The following FER variants were observed in gnomAD, a reference collection of about 807,000 sequenced individuals.
The protein encoded by FER is tyrosine-protein kinase Fer.
A neutral mutation model predicts 111.0 loss-of-function variants in FER; 63 were observed. That is an observed-to-expected ratio of 0.57 (90% CI 0.46 to 0.70). FER has a LOEUF of 0.70. FER is among the 30% of genes least tolerant of loss of function. The probability of loss-of-function intolerance (pLI) is 0.00; values close to 1 mark genes in which losing one functional copy is unlikely to be tolerated. For synonymous variants in FER, 327 were observed against 313.9 expected (o/e 1.04, Z -0.44); for missense variants, 914 against 954.0 (o/e 0.96, Z 0.55).
At chr5:108,771,602 C>G (rs986909419) in intron 2 of FER, among the ~76,000 whole-genome samples, 1 of 152,132 alleles carries the variant, frequency 6.6e-6, no homozygotes, top group African/African-American at 2.4e-5. Context: ...GTATTTCTCT[C>G]TTTTCAACAT....
chr5:108,961,498 C>A (rs1436133008), intron 13 of FER, among the ~76,000 whole-genome samples: 1 of 152,118 alleles, frequency 6.6e-6, no homozygotes, highest in Non-Finnish European at 1.5e-5. Flanking sequence ...GATTATCTCA[C>A]CATCTGATAG....
chr5:109,042,853 A>T (rs759463703), intron 14 of FER, among the ~76,000 whole-genome samples: 1 of 152,204 alleles, frequency 6.6e-6, no homozygotes, highest in African/African-American at 2.4e-5. Flanking sequence ...TTCAGAGTAC[A>T]TGTAACAGTT....
At chr5:108,918,020 A>G (rs1752490508) in intron 10 of FER, among the ~76,000 whole-genome samples, 1 of 152,232 alleles carries the variant, frequency 6.6e-6, no homozygotes, top group Non-Finnish European at 1.5e-5. Context: ...AATATAAAAT[A>G]AAATGAGAAC....
At chr5:109,089,900 GA>G (rs1777972502) in intron 16 of FER, among the ~76,000 whole-genome samples, 1 of 152,176 alleles carries the variant, frequency 6.6e-6, no homozygotes, top group South Asian at 2.1e-4. Flanking sequence ...AAACAAGGGA[GA>G]GTAGAAGTGG....
At chr5:109,052,321 C>T in intron 16 of FER, 9 of 1,604,558 alleles carry the variant, frequency 5.6e-6, no homozygotes, top group Non-Finnish European at 7.7e-6. Context: ...CTGCTCATCT[C>T]CCCAGGCTGA....
intron 16 of FER, among the ~76,000 whole-genome samples, chr5:109,091,529 G>A (rs983164885): frequency 1.3e-5 from 2 of 152,242 alleles, no homozygotes; most frequent in Non-Finnish European, 2.9e-5. Context: ...AGAGAGCCCC[G>A]ACTAGAGCAA....
intron 17 of FER, among the ~76,000 whole-genome samples, chr5:109,109,401 C>G (rs940867849): frequency 2.0e-5 from 3 of 152,098 alleles, no homozygotes; most frequent in Non-Finnish European, 4.4e-5. Flanking sequence ...CCCAACTCCC[C>G]CTCAAGTTCC....
At chr5:108,759,348 C>T (rs1041301555) in intron 1 of FER, among the ~76,000 whole-genome samples, 1 of 152,164 alleles carries the variant, frequency 6.6e-6, no homozygotes, top group African/African-American at 2.4e-5. Flanking sequence ...ATAGCCTTTA[C>T]TGTTCATATG....
chr5:109,134,059 C>A (rs140274699), intron 17 of FER, among the ~76,000 whole-genome samples: 89 of 151,994 alleles, frequency 5.9e-4, no homozygotes, highest in African/African-American at 2.0e-3. Flanking sequence ...TAAAGAAATA[C>A]ATTAGTTCCT....
intron 17 of FER, among the ~76,000 whole-genome samples, chr5:109,123,311 G>A (rs969179672): frequency 1.3e-5 from 2 of 151,378 alleles, no homozygotes; most frequent in Admixed American, 6.6e-5. Flanking sequence ...ACCCGCCACC[G>A]TGCCCAGCTA....
chr5:108,859,535 T>G (rs1561524679), intron 5 of FER, among the ~76,000 whole-genome samples: 1 of 152,194 alleles, frequency 6.6e-6, no homozygotes, highest in Non-Finnish European at 1.5e-5. Context: ...TGTTTTTCAT[T>G]TTGTTCTTTA....
chr5:108,786,051 G>A (rs1190905181), intron 2 of FER, among the ~76,000 whole-genome samples: 3 of 152,204 alleles, frequency 2.0e-5, no homozygotes, highest in Admixed American at 6.5e-5. Context: ...TGTGGCATGT[G>A]AGTGTGCAGG....
intron 16 of FER, among the ~76,000 whole-genome samples, chr5:109,053,691 AT>A (rs544623578): frequency 0.028 from 3,379 of 119,306 alleles, 72 homozygotes; most frequent in African/African-American, 0.1. Flanking sequence ...GTGGAGTTCT[AT>A]TTTTTTTTTT....
At chr5:108,812,973 A>G (rs1444717237) in intron 3 of FER, among the ~76,000 whole-genome samples, 7 of 152,106 alleles carry the variant, frequency 4.6e-5, no homozygotes, top group South Asian at 2.1e-4. Flanking sequence ...TAATAAGTAC[A>G]TAATTCTTTA....
intron 13 of FER, among the ~76,000 whole-genome samples, chr5:109,021,394 G>T (rs1027045442): frequency 1.3e-5 from 2 of 151,966 alleles, no homozygotes; most frequent in African/African-American, 4.8e-5. Flanking sequence ...CATAATATAA[G>T]GGTATACTTA....
chr5:108,787,089 C>CTGCAGCTTGGG (rs1754814866), intron 2 of FER, among the ~76,000 whole-genome samples: 1 of 152,056 alleles, frequency 6.6e-6, no homozygotes, highest in African/African-American at 2.4e-5. Flanking sequence ...AGCTGCCCAG[C>CTGCAGCTTGGG]TGCAGCTTGG....
At chr5:108,798,023 T>G in intron 2 of FER, 101 bp from the exon 3 acceptor site, 1 of 517,184 alleles carries the variant, frequency 1.9e-6, no homozygotes. Context: ...AGTTGTGTTT[T>G]TTTTTTTTAA....
chr5:109,116,443 G>GA (rs1357740498), intron 17 of FER, among the ~76,000 whole-genome samples: 9 of 145,700 alleles, frequency 6.2e-5, no homozygotes, highest in Non-Finnish European at 1.1e-4. Flanking sequence ...AAAAAAAAAT[G>GA]AAAAAAAATA....
chr5:109,144,599 T>C (rs910595508), intron 17 of FER, among the ~76,000 whole-genome samples: 5 of 152,146 alleles, frequency 3.3e-5, no homozygotes, highest in Non-Finnish European at 5.9e-5. Flanking sequence ...GCATTTGGCT[T>C]GTTTTGGGGT....
Sources: allele counts gnomAD v4.1 joint callset (sites outside exome capture counted in the v4.1 genomes callset), GRCh38; gene constraint gnomAD v4.1.1; transcripts MANE v1.5; gene names NCBI Gene and HGNC (gene_info 2026-07-23, HGNC 2026-07-21).